Variants in TMPRSS4 observed in about 807,000 individuals in gnomAD.
TMPRSS4 encodes transmembrane protease serine 4.
In TMPRSS4, 45 loss-of-function variants were observed where a neutral mutation model predicts 56.4. The observed-to-expected ratio is 0.80, with a 90% CI of 0.63 to 1.02. The LOEUF is 1.02. TMPRSS4 is among the 50% of genes least tolerant of loss of function. The pLI, the probability that TMPRSS4 is intolerant of heterozygous loss-of-function variation, is 0.00. For missense variants in TMPRSS4, 546 were observed against 556.7 expected (o/e 0.98, Z 0.19); for synonymous variants, 205 against 211.0 (o/e 0.97, Z 0.25).
chr11:118,117,975 C>T lies in TMPRSS4; in HGVS notation c.*62C>T. On this transcript the variant is annotated 3_prime_UTR_variant, in exon 13 of 13. Coordinates refer to ENST00000437212, the MANE Select transcript of TMPRSS4 (RefSeq NM_019894.4). The stretch of plus-strand genomic sequence containing the variant: ...TTCCTGCCCTGCCCACCTGGGGATC[C>T]CCCAAAGTCAGACACAGAGCAAGAG... 2 of 1,611,658 alleles carry T rather than the reference C, an allele frequency of 1.2e-6. No homozygotes were observed. Among genetic ancestry groups the T allele is most frequent in the South Asian group, 1.1e-5 (1 of 90,984 alleles).
intron 4 of TMPRSS4, 149 bp from the exon 5 acceptor site, chr11:118,104,542 A>C: frequency 8.5e-6 from 11 of 1,298,038 alleles, no homozygotes; most frequent in Non-Finnish European, 1.2e-5. Flanking sequence ...GCCAAATGGA[A>C]GAAATTCCCT....
intron 1 of TMPRSS4, among the ~76,000 whole-genome samples, chr11:118,092,344 C>T (rs569163326): frequency 6.6e-6 from 1 of 152,312 alleles, no homozygotes; most frequent in East Asian, 1.9e-4. Flanking sequence ...ATTCAGGGAG[C>T]AGAGTTTTTA....
chr11:118,123,990 T>C (rs916352252), downstream of TMPRSS4, among the ~76,000 whole-genome samples: 5 of 152,200 alleles, frequency 3.3e-5, no homozygotes, highest in African/African-American at 1.2e-4. Context: ...GTTAATTTCA[T>C]TATGTGTGAC....
intron 11 of TMPRSS4, among the ~76,000 whole-genome samples, 191 bp from the exon 12 acceptor site, chr11:118,117,114 C>T (rs751991937): frequency 6.6e-5 from 10 of 152,178 alleles, no homozygotes; most frequent in African/African-American, 9.7e-5. Context: ...CTTACTTGTC[C>T]ACAGACAAGC....
At chr11:118,094,332 T>C (rs1694173545) in intron 1 of TMPRSS4, among the ~76,000 whole-genome samples, 1 of 152,260 alleles carries the variant, frequency 6.6e-6, no homozygotes, top group Non-Finnish European at 1.5e-5. Flanking sequence ...ATTTTAGCCA[T>C]TTAGTATTTA....
At chr11:118,107,968 C>A in intron 6 of TMPRSS4, 93 bp downstream of exon 6, 1 of 991,992 alleles carries the variant, frequency 1.0e-6, no homozygotes. Flanking sequence ...CCCAAGCAGC[C>A]AGGGGAATGT....
At chr11:118,107,956 A>G (rs1947082552) in intron 6 of TMPRSS4, 81 bp downstream of exon 6, 4 of 1,157,094 alleles carry the variant, frequency 3.5e-6, no homozygotes, top group Non-Finnish European at 5.1e-6. Flanking sequence ...CTCACCTGGA[A>G]CCCCAAGCAG....
At chr11:118,107,951 C>T in intron 6 of TMPRSS4, 76 bp downstream of exon 6, 1 of 1,246,172 alleles carries the variant, frequency 8.0e-7, no homozygotes, top group South Asian at 1.3e-5. Flanking sequence ...ACCAGCTCAC[C>T]TGGAACCCCA....
intron 11 of TMPRSS4, among the ~76,000 whole-genome samples, chr11:118,116,615 T>C (rs1947564136): frequency 6.6e-6 from 1 of 152,188 alleles, no homozygotes; most frequent in Non-Finnish European, 1.5e-5. Flanking sequence ...TTTTCATCAG[T>C]TGGATCCCAA....
intron 1 of TMPRSS4, 105 bp downstream of exon 1, chr11:118,077,410 C>T: frequency 7.3e-7 from 1 of 1,361,506 alleles, no homozygotes; most frequent in Non-Finnish European, 9.9e-7. Flanking sequence ...TCTGTGACAC[C>T]TTCTAGGTTA....
At chr11:118,094,929 T>C (rs1459881266) in intron 2 of TMPRSS4, 74 bp downstream of exon 2, 1 of 1,533,864 alleles carries the variant, frequency 6.5e-7, no homozygotes, top group Non-Finnish European at 8.9e-7. Flanking sequence ...CCTAAGCCAC[T>C]CGCGCCTGGC....
Position 118,118,258 on chromosome 11 carries a change from A to C in TMPRSS4, c.*345A>C, listed in dbSNP as rs1191752213. On this transcript the variant is annotated 3_prime_UTR_variant, in exon 13 of 13. Transcript: ENST00000437212. ...AGGCTGTCTTGTAAAAGCCCAGATC[A>C]CTGTGGGCTGGAGAGGAGAAGGAAA... The C allele has an allele frequency of 1.7e-6, 2 of 1,208,424 alleles. No individual in the cohort carries two copies. Among genetic ancestry groups the C allele is most frequent in the East Asian group, 8.0e-5 (2 of 25,018 alleles). 74.9% of individuals were successfully genotyped at this position (1,208,424 alleles called of 1,614,324 possible). A position where few individuals can be genotyped will look rare whatever the true frequency, so the allele number is the denominator to read the frequency against.
downstream of TMPRSS4, among the ~76,000 whole-genome samples, chr11:118,124,553 T>A (rs978823233): frequency 4.6e-5 from 7 of 152,222 alleles, no homozygotes; most frequent in African/African-American, 1.7e-4. Context: ...TCAATTTTTT[T>A]AAAACTTATA....
At chr11:118,100,493 C>A (rs951948630) in intron 3 of TMPRSS4, among the ~76,000 whole-genome samples, 1 of 152,152 alleles carries the variant, frequency 6.6e-6, no homozygotes, top group Non-Finnish European at 1.5e-5. Context: ...GACAAAGCTG[C>A]GACAGAACCC....
chr11:118,097,545 T>C (rs1330732634), intron 2 of TMPRSS4, among the ~76,000 whole-genome samples: 2 of 152,154 alleles, frequency 1.3e-5, no homozygotes, highest in African/African-American at 4.8e-5. Context: ...CCCCAGCTTA[T>C]TTCCCACAAG....
At chr11:118,108,002 T>C (rs1947085339) in intron 6 of TMPRSS4, 127 bp downstream of exon 6, 1 of 690,722 alleles carries the variant, frequency 1.4e-6, no homozygotes, top group African/African-American at 1.8e-5. Context: ...GAAGAACTCC[T>C]AGCCAGATGG....
intron 11 of TMPRSS4, 124 bp from the exon 12 acceptor site, chr11:118,117,181 G>A: frequency 1.1e-6 from 1 of 950,296 alleles, no homozygotes; most frequent in East Asian, 2.4e-5. Context: ...AGAGGGTGAG[G>A]GTGGAATATC....
At chr11:118,109,103 T>A (rs1947147657) in intron 7 of TMPRSS4, among the ~76,000 whole-genome samples, 1 of 152,134 alleles carries the variant, frequency 6.6e-6, no homozygotes, top group East Asian at 1.9e-4. Context: ...CAAGCCCCAG[T>A]TTCCCCCTTC....
At chr11:118,100,455 G>A (rs185094385) in intron 3 of TMPRSS4, among the ~76,000 whole-genome samples, 3 of 152,322 alleles carry the variant, frequency 2.0e-5, no homozygotes, top group Admixed American at 6.5e-5. Flanking sequence ...TGAGCACTGA[G>A]GCTCGGAGAG....
Sources: gnomAD v4.1 joint callset for allele counts (sites outside exome capture counted in the v4.1 genomes callset) on GRCh38, gnomAD v4.1.1 for gene constraint, MANE v1.5 for transcripts, NCBI Gene and HGNC (gene_info 2026-07-23, HGNC 2026-07-21) for gene names.